The following ACAD10 variants were observed in gnomAD, a reference collection of about 807,000 sequenced individuals.
ACAD10 encodes ACAD-10.
A neutral mutation model predicts 116.8 loss-of-function variants in ACAD10; 112 were observed. The observed-to-expected ratio is 0.96, with a 90% CI of 0.82 to 1.12. ACAD10 has a LOEUF of 1.12. Among genes scored for constraint, ACAD10 ranks in the 50% most tolerant of loss-of-function variants. ACAD10 has a pLI of 0.00. For synonymous variants in ACAD10, 486 were observed against 510.6 expected (o/e 0.95, Z 0.65); for missense variants, 1,259 against 1,350.2 (o/e 0.93, Z 1.06).
At position 111,723,889 on chromosome 12, in the gene ACAD10, C is replaced by T. The variant is rs533430522; in HGVS notation, c.1061+2150C>T. ...CTCAGACAGGGCGGCCGGGCAGGGACGCTCCTCACCTCCCAGACGGGGTCT... is the reference window on the plus strand; with the variant it reads ...CTCAGACAGGGCGGCCGGGCAGGGATGCTCCTCACCTCCCAGACGGGGTCT... On this transcript the variant is annotated intron_variant, in intron 8 of 20. Coordinates refer to ENST00000313698, the MANE Select transcript of ACAD10 (RefSeq NM_025247.6). Among the ~76,000 whole-genome samples, 20 of 150,748 alleles carry T rather than the reference C, an allele frequency of 1.3e-4. No homozygotes were observed. The East Asian group carries it at 3.0e-3, about 23-fold the overall frequency.
At chr12:111,754,125 A>T (rs1454349722) in intron 19 of ACAD10, among the ~76,000 whole-genome samples, 1 of 152,190 alleles carries the variant, frequency 6.6e-6, no homozygotes, top group Non-Finnish European at 1.5e-5. Flanking sequence ...AGTCCAAGGC[A>T]GTGGGTCTGA....
chr12:111,751,232 A>G lies in ACAD10; in HGVS notation c.2817+1887A>G, dbSNP rs372105210. Among the ~76,000 whole-genome samples the G allele has an allele frequency of 1.6e-4, 25 of 152,310 alleles. 1 individual carries two copies. The highest frequency in any genetic ancestry group is 5.3e-4 in the African/African-American group (22 of 41,566). Reference sequence around the variant, plus strand: ...GACTGTTGGCCAAATAAAACACAAGATGGCATACAGTGAGACTTTAAATGA... The same window carrying G: ...GACTGTTGGCCAAATAAAACACAAGGTGGCATACAGTGAGACTTTAAATGA... On this transcript the variant is annotated intron_variant, in intron 18 of 20. Coordinates refer to ENST00000313698, the MANE Select transcript of ACAD10 (RefSeq NM_025247.6).
In ACAD10 at chr12:111,706,780, A is replaced by ATT. The variant is rs1428071019; in HGVS notation, c.531+849_531+850insTT. Among the ~76,000 whole-genome samples the ATT allele has an allele frequency of 1.2e-3, 152 of 122,098 alleles. No homozygotes were observed. The Middle Eastern group carries it at 0.015, about 12-fold the overall frequency. The allele number at this position is 122,098 out of a possible 152,430, so 80.1% of individuals were successfully genotyped here. A position where few individuals can be genotyped will look rare whatever the true frequency, so the allele number is the denominator to read the frequency against. ...TATTTTTTTATATATATATATATAT[A>ATT]TATTTTTTTTTTTGAGACCATCTCA... is the stretch of plus-strand genomic sequence containing the variant. On this transcript the variant is annotated intron_variant, in intron 4 of 20. Transcript: ENST00000313698.
chr12:111,732,346 A>G (rs188305862), intron 10 of ACAD10, among the ~76,000 whole-genome samples: 28 of 152,338 alleles, frequency 1.8e-4, no homozygotes, highest in Non-Finnish European at 2.6e-4. Context: ...TCGAAGTAGA[A>G]AAAAGTTTCA....
At position 111,744,815 on chromosome 12, in the gene ACAD10, C is replaced by A. The variant is rs758623427; in HGVS notation, c.1887C>A (p.Cys629Ter). 3.1e-6 allele frequency: 5 copies of A among 1,614,212 alleles called. No individual in the cohort carries two copies. In the Admixed American group the frequency reaches 6.7e-5, roughly 22 times the overall value. The change falls in exon 13 of 21, where the codon TGC becomes TGA. Residue 629 changes from cysteine to a stop codon, truncating the protein, a stop_gained. Transcript: ENST00000313698. LOFTEE classifies it high-confidence loss of function. ...GGGCCAGGCCCCAGTCCCAGTGGTGCCCCACAGGCAGCAGGAGTTATAGCT... is the reference window on the plus strand; with the variant it reads ...GGGCCAGGCCCCAGTCCCAGTGGTGACCCACAGGCAGCAGGAGTTATAGCT... ...HTWARPQSQWCPTGSRSYSSV... is the reference protein window; with the variant it reads ...HTWARPQSQW
intron 12 of ACAD10, among the ~76,000 whole-genome samples, chr12:111,742,319 A>G (rs1179382236): frequency 5.9e-5 from 9 of 152,306 alleles, no homozygotes; most frequent in African/African-American, 2.2e-4. Flanking sequence ...TTTCCCTTCA[A>G]TGTGCTGTGT....
At chr12:111,724,997 A>G (rs894507057) in intron 8 of ACAD10, among the ~76,000 whole-genome samples, 5 of 152,192 alleles carry the variant, frequency 3.3e-5, no homozygotes, top group Non-Finnish European at 7.3e-5. Context: ...ATTATGTAAC[A>G]TTTGAAACCT....
chr12:111,732,569 A>G (rs1235873558), intron 10 of ACAD10, among the ~76,000 whole-genome samples: 1 of 152,206 alleles, frequency 6.6e-6, no homozygotes, highest in African/African-American at 2.4e-5. Context: ...AGGTGGACAC[A>G]TGAGTTCTGT....
rs573146820 is a variant in ACAD10 at position 111,735,918 on chromosome 12, C to T, written c.1541-913C>T. 6.6e-5 allele frequency among the ~76,000 whole-genome samples: 10 copies of T among 151,760 alleles called. No individual in the cohort carries two copies. The South Asian group carries it at 8.3e-4, about 13-fold the overall frequency. ...TTTTTGAGATGGAGTCTCACTCTGT[C>T]GCCCAGGCTGGACCACAGTGGCGCA... On this transcript the variant is annotated intron_variant, in intron 11 of 20. Transcript: ENST00000313698.
rs1189745914 is a variant in ACAD10, at chr12:111,757,056, G to A, written c.*583G>A. On this transcript the variant is annotated 3_prime_UTR_variant, in exon 21 of 21. Transcript: ENST00000313698. ...ATCATTTAAATGTTATTTTGGAAAGGGGTTTTGGGGACACAGAAGAATAAG... is the reference window on the plus strand; with the variant it reads ...ATCATTTAAATGTTATTTTGGAAAGAGGTTTTGGGGACACAGAAGAATAAG... 1 of 357,582 alleles carries A rather than the reference G, an allele frequency of 2.8e-6. No homozygotes were observed. Among genetic ancestry groups the A allele is most frequent in the African/African-American group, 2.1e-5 (1 of 46,832 alleles). 22.2% of individuals were successfully genotyped at this position (357,582 alleles called of 1,614,324 possible).
chr12:111,704,109 A>T (rs1888427955), intron 3 of ACAD10, among the ~76,000 whole-genome samples: 1 of 151,270 alleles, frequency 6.6e-6, no homozygotes, highest in African/African-American at 2.4e-5. Context: ...GGAAATGAGG[A>T]GTGACTGTTA....
At chr12:111,687,831 C>T (rs1177911583) in intron 1 of ACAD10, among the ~76,000 whole-genome samples, 2 of 152,008 alleles carry the variant, frequency 1.3e-5, no homozygotes, top group African/African-American at 4.8e-5. Context: ...AATCTGAATC[C>T]AGAACGAACA....
At chr12:111,708,263 T>C (rs1261055659) in intron 4 of ACAD10, among the ~76,000 whole-genome samples, 1 of 152,060 alleles carries the variant, frequency 6.6e-6, no homozygotes, top group African/African-American at 2.4e-5. Context: ...TTATTTTACT[T>C]CCCCCAGATG....
In ACAD10 at chr12:111,744,867, A is replaced by T. The variant is rs770577035; in HGVS notation, c.1939A>T (p.Thr647Ser). 1.9e-6 allele frequency: 3 copies of T among 1,614,112 alleles called. No individual in the cohort carries two copies. The highest frequency in any genetic ancestry group is 2.5e-6 in the Non-Finnish European group (3 of 1,180,006). ...SSVPEASPAH[T>S]SRGGLVISPE... Reference sequence around the variant, plus strand: ...CGTTCCAGAAGCTTCCCCAGCTCATACCTCAAGGGGAGGTCTGGTTATCTC... The same window carrying T: ...CGTTCCAGAAGCTTCCCCAGCTCATTCCTCAAGGGGAGGTCTGGTTATCTC... The change falls in exon 13 of 21, where the codon ACC becomes TCC. Residue 647 changes from threonine (T) to serine (S), a missense_variant. Physicochemically the swap from Thr to Ser is moderately conservative, Grantham distance 58. Transcript: ENST00000313698.
At chr12:111,744,205 C>T (rs918478611) in intron 12 of ACAD10, among the ~76,000 whole-genome samples, 1 of 152,086 alleles carries the variant, frequency 6.6e-6, no homozygotes, top group African/African-American at 2.4e-5. Flanking sequence ...TTGGCTCTTC[C>T]TTTAGTCAGT....
intron 7 of ACAD10, 148 bp from the exon 8 acceptor site, chr12:111,721,523 G>C (rs578036600): frequency 5.1e-6 from 3 of 593,308 alleles, no homozygotes; most frequent in Non-Finnish European, 8.5e-6. Context: ...AGCCAAGATC[G>C]TGCCACTGCA....
chr12:111,747,470 C>T (rs754763170), intron 16 of ACAD10, 85 bp downstream of exon 16: 10 of 1,587,942 alleles, frequency 6.3e-6, no homozygotes, highest in Admixed American at 3.4e-5. Flanking sequence ...GGAGGAGCCT[C>T]TGCTTTTTCA....
Position 111,753,895 on chromosome 12 carries a change from A to G in ACAD10, c.2941A>G (p.Met981Val), listed in dbSNP as rs1215476554. Reference sequence around the variant, plus strand: ...GCTGGTGCTGAGAGCTGCCCACCTCATGGACCTGGCAGGAAACAAGGTAGG... The same window carrying G: ...GCTGGTGCTGAGAGCTGCCCACCTCGTGGACCTGGCAGGAAACAAGGTAGG... Reference protein sequence around the residue: ...RLLVLRAAHLMDLAGNKAAAL... With the variant: ...RLLVLRAAHLVDLAGNKAAAL... The change falls in exon 19 of 21, where the codon ATG becomes GTG. Residue 981 changes from methionine (M) to valine (V), a missense_variant. Met to Val is a conservative substitution (Grantham distance 21, BLOSUM62 1). Coordinates refer to ENST00000313698, the MANE Select transcript of ACAD10 (RefSeq NM_025247.6). 4 of 1,607,914 alleles carry G rather than the reference A, an allele frequency of 2.5e-6. No homozygotes were observed. The highest frequency in any genetic ancestry group is 1.1e-5 in the South Asian group (1 of 90,926).
chr12:111,722,369 CTATTTATT>C (rs200521229), intron 8 of ACAD10, among the ~76,000 whole-genome samples: 132 of 150,642 alleles, frequency 8.8e-4, no homozygotes, highest in Admixed American at 2.5e-3. Flanking sequence ...CGGCCCTAAA[CTATTTATT>C]TATTTATTTA....
Sources: allele counts gnomAD v4.1 joint callset (sites outside exome capture counted in the v4.1 genomes callset), GRCh38; gene constraint gnomAD v4.1.1; transcripts MANE v1.5; gene names NCBI Gene and HGNC (gene_info 2026-07-23, HGNC 2026-07-21).